The following OR9Q1 variants were observed in gnomAD, a reference collection of about 807,000 sequenced individuals.
The protein encoded by OR9Q1 is olfactory receptor 9Q1.
For synonymous variants in OR9Q1, 153 were observed against 148.6 expected, an observed-to-expected ratio of 1.03 and a Z score of -0.22; for missense variants, 374 against 378.8, an observed-to-expected ratio of 0.99 and a Z score of 0.11.
chr11:58,139,164 G>C (rs1012237949), intron 2 of OR9Q1, among the ~76,000 whole-genome samples: 2 of 152,114 alleles, frequency 1.3e-5, no homozygotes, highest in Non-Finnish European at 1.5e-5. Context: ...CCATCAGAAA[G>C]AATAAGGGGG....
chr11:58,067,157 G>T (rs535447257), intron 2 of OR9Q1, among the ~76,000 whole-genome samples: 4 of 151,654 alleles, frequency 2.6e-5, no homozygotes, highest in Non-Finnish European at 5.9e-5. Context: ...TCAGCCTCCC[G>T]AGTAGCTGGG....
intron 1 of OR9Q1, among the ~76,000 whole-genome samples, chr11:58,034,232 C>T (rs1461569703): frequency 6.6e-6 from 1 of 151,664 alleles, no homozygotes; most frequent in Admixed American, 6.6e-5. Flanking sequence ...ACTACAGGGG[C>T]CCGCCACCAT....
At chr11:58,078,477 C>T (rs1053106253) in intron 2 of OR9Q1, 1 of 152,164 alleles carries the variant, frequency 6.6e-6, no homozygotes, top group African/African-American at 2.4e-5. Flanking sequence ...GTCAGAATGA[C>T]CCATTCCATA....
At chr11:58,046,161 A>G (rs576477300) in intron 1 of OR9Q1, among the ~76,000 whole-genome samples, 1 of 152,290 alleles carries the variant, frequency 6.6e-6, no homozygotes, top group African/African-American at 2.4e-5. Context: ...GATACCTGAA[A>G]CAGTACTGAG....
At chr11:58,034,560 T>A (rs1002808152) in intron 1 of OR9Q1, among the ~76,000 whole-genome samples, 1 of 152,186 alleles carries the variant, frequency 6.6e-6, no homozygotes, top group African/African-American at 2.4e-5. Context: ...CACACCTATA[T>A]GTATCATCGG....
chr11:58,067,094 T>C (rs1303971900), intron 2 of OR9Q1, among the ~76,000 whole-genome samples: 1 of 151,496 alleles, frequency 6.6e-6, no homozygotes, highest in Non-Finnish European at 1.5e-5. Flanking sequence ...TGCAGTGGCG[T>C]GATCCAAGCT....
Position 58,041,980 on chromosome 11 carries a change from C to G in OR9Q1, c.-92-13890C>G, listed in dbSNP as rs377343383. 9.8e-5 allele frequency among the ~76,000 whole-genome samples: 15 copies of G among 152,306 alleles called. No individual in the cohort carries two copies. The East Asian group carries it at 1.7e-3, about 18-fold the overall frequency. ...CTAGGATCCCTTTAAATTGACCAAC[C>G]ATTGTGGTAATGTTGTAATTCATAG... On this transcript the variant is annotated intron_variant, in intron 1 of 2. Transcript: ENST00000335397.
intron 1 of OR9Q1, chr11:58,040,922 A>G (rs1853155586): frequency 6.6e-6 from 1 of 152,268 alleles, no homozygotes; most frequent in Non-Finnish European, 1.5e-5. Flanking sequence ...CTCCATGGCC[A>G]TGGTGTCTTT....
intron 2 of OR9Q1, among the ~76,000 whole-genome samples, chr11:58,150,222 A>T (rs1026054864): frequency 6.6e-6 from 1 of 152,168 alleles, no homozygotes; most frequent in Admixed American, 6.5e-5. Context: ...GTGATGTTGA[A>T]CATCTTTCCA....
At position 58,180,438 on chromosome 11, in the gene OR9Q1, G is replaced by A. The variant is rs1404906239; in HGVS notation, c.*61G>A. 3 of 1,040,636 alleles carry A rather than the reference G, an allele frequency of 2.9e-6. No homozygotes were observed. The highest frequency in any genetic ancestry group is 2.4e-5 in the East Asian group (1 of 41,544). The allele number at this position is 1,040,636 out of a possible 1,614,324, so 64.5% of individuals were successfully genotyped here. On this transcript the variant is annotated 3_prime_UTR_variant, in exon 3 of 3. Coordinates refer to ENST00000335397, the MANE Select transcript of OR9Q1 (RefSeq NM_001005212.4). ...ACTCTGTAGTGTCAGAATTCTGGAC[G>A]CTCATTATTTATAGCATGCTCAATG...
At chr11:58,090,060 A>C (rs1437948330) in intron 2 of OR9Q1, among the ~76,000 whole-genome samples, 2 of 151,962 alleles carry the variant, frequency 1.3e-5, no homozygotes, top group Non-Finnish European at 2.9e-5. Context: ...AGATCATGGG[A>C]TTTTCTAAAT....
At chr11:58,112,016 G>A (rs893432992) in intron 2 of OR9Q1, among the ~76,000 whole-genome samples, 1 of 152,118 alleles carries the variant, frequency 6.6e-6, no homozygotes, top group African/African-American at 2.4e-5. Flanking sequence ...GGCCAGGTGT[G>A]GTGGCTCATG....
intron 2 of OR9Q1, among the ~76,000 whole-genome samples, chr11:58,125,954 C>T (rs553278627): frequency 2.0e-5 from 3 of 152,234 alleles, no homozygotes; most frequent in African/African-American, 4.8e-5. Context: ...CTCTTTACAA[C>T]ACACTCATCC....
chr11:58,156,219 G>T (rs1854406423), intron 2 of OR9Q1, among the ~76,000 whole-genome samples: 1 of 152,086 alleles, frequency 6.6e-6, no homozygotes, highest in Non-Finnish European at 1.5e-5. Flanking sequence ...AGCCAGTGTT[G>T]CCTATCTTTT....
chr11:58,137,307 C>A (rs1298950622), intron 2 of OR9Q1, among the ~76,000 whole-genome samples: 6 of 152,150 alleles, frequency 3.9e-5, no homozygotes, highest in African/African-American at 1.2e-4. Context: ...GACTTTTATC[C>A]TGCAACTTAA....
At chr11:58,062,091 A>G (rs1853385485) in intron 2 of OR9Q1, among the ~76,000 whole-genome samples, 1 of 152,192 alleles carries the variant, frequency 6.6e-6, no homozygotes, top group Non-Finnish European at 1.5e-5. Context: ...ACCAGACACC[A>G]CTTACTAAGA....
intron 2 of OR9Q1, among the ~76,000 whole-genome samples, chr11:58,076,055 T>G (rs553646990): frequency 6.6e-6 from 1 of 152,340 alleles, no homozygotes; most frequent in East Asian, 1.9e-4. Context: ...CTCACTAGAA[T>G]GGCAGACATG....
intron 2 of OR9Q1, among the ~76,000 whole-genome samples, chr11:58,178,357 T>G (rs1162463579): frequency 1.3e-5 from 2 of 152,198 alleles, no homozygotes; most frequent in African/African-American, 4.8e-5. Flanking sequence ...ACAAGGACTC[T>G]CCAAAAATAT....
intron 2 of OR9Q1, among the ~76,000 whole-genome samples, chr11:58,175,952 C>A (rs1199311856): frequency 6.6e-6 from 1 of 152,032 alleles, no homozygotes; most frequent in African/African-American, 2.4e-5. Flanking sequence ...TTGCCAATTT[C>A]TCCTCTGAGC....
Sources: allele counts gnomAD v4.1 joint callset (sites outside exome capture counted in the v4.1 genomes callset), GRCh38; gene constraint gnomAD v4.1.1; transcripts MANE v1.5; gene names NCBI Gene and HGNC (gene_info 2026-07-23, HGNC 2026-07-21).